The following ZNF236 variants were observed in gnomAD, a reference collection of about 807,000 sequenced individuals.
ZNF236 encodes the protein zinc finger protein 236.
Under a neutral mutation model 191.2 loss-of-function variants are expected in ZNF236, and 50 were observed. That is an observed-to-expected ratio of 0.26 (90% CI 0.21 to 0.33). The LOEUF (loss-of-function observed/expected upper bound fraction) is 0.33. Among genes scored for constraint, ZNF236 ranks in the 10% least tolerant of loss-of-function variants. ZNF236 has a pLI of 1.00. For missense variants in ZNF236, 1,754 were observed against 2,374.5 expected (o/e 0.74, Z 5.43); for synonymous variants, 907 against 928.8 (o/e 0.98, Z 0.43).
intron 18 of ZNF236, among the ~76,000 whole-genome samples, chr18:76,914,154 C>G (rs1280722501): frequency 6.6e-6 from 1 of 152,206 alleles, no homozygotes; most frequent in Non-Finnish European, 1.5e-5. Flanking sequence ...GTATCTACCT[C>G]TGTCTTTATA....
chr18:76,958,535 C>T (rs1968580732), intron 28 of ZNF236, among the ~76,000 whole-genome samples: 1 of 152,218 alleles, frequency 6.6e-6, no homozygotes, highest in African/African-American at 2.4e-5. Flanking sequence ...TGAGTGCCTG[C>T]TGTATGCACA....
intron 26 of ZNF236, among the ~76,000 whole-genome samples, chr18:76,940,180 A>G (rs1968101720): frequency 1.4e-5 from 2 of 139,520 alleles, no homozygotes; most frequent in Non-Finnish European, 3.0e-5. Flanking sequence ...CCATTTGGGA[A>G]CACAGTGGGC....
chr18:76,878,050 T>C lies in ZNF236; in HGVS notation c.882T>C (p.Cys294=), dbSNP rs781394756. The C allele has an allele frequency of 6.2e-7, 1 of 1,613,162 alleles. No individual in the cohort carries two copies. The highest frequency in any genetic ancestry group is 2.2e-5 in the East Asian group (1 of 44,758). ...CCTATAACTGTACAGAATGTAGTTG[T>C]GTATTTAAAAGTTTAGGCAGCTTAA... ...GPTYNCTECS[C]VFKSLGSLNT... Residue 294 remains cysteine (C), a synonymous_variant, in exon 7 of 31, where the codon TGT becomes TGC. Transcript: ENST00000320610.
intron 28 of ZNF236, 90 bp downstream of exon 28, chr18:76,956,272 A>T (rs1968522406): frequency 6.8e-7 from 1 of 1,473,148 alleles, no homozygotes. Context: ...GGAATCTGGC[A>T]TGTGTTTTTG....
rs1271790129 is a variant in ZNF236, at chr18:76,827,191, CG to C, written c.55+4531del. 2.0e-5 allele frequency among the ~76,000 whole-genome samples: 3 copies of C among 149,788 alleles called. No homozygotes were observed. In the East Asian group the frequency reaches 6.1e-4, roughly 30 times the overall value. ...GATTATAGGCGTGAGCCACAGTGCC[CG>C]GCCTGTTGTTGAGACGGAGTTTTGC... On this transcript the variant is annotated intron_variant, in intron 1 of 30. Coordinates refer to ENST00000320610, the MANE Select transcript of ZNF236 (RefSeq NM_001306089.2).
Position 76,919,756 on chromosome 18 carries a change from T to G in ZNF236, c.3275-20T>G, listed in dbSNP as rs769619810. The G allele has an allele frequency of 6.2e-7, 1 of 1,605,430 alleles. No individual in the cohort carries two copies. ...TTTTCTTCATTACGATTTTGATCCC[T>G]TTTCCTTGATTTTGTGTAGACATTT... On this transcript the variant is annotated intron_variant, in intron 19 of 30. Coordinates refer to ENST00000320610, the MANE Select transcript of ZNF236 (RefSeq NM_001306089.2). This position sits in a 1 kb window ranked among gnomAD's most constrained non-coding sequence, Gnocchi z 5.3.
At position 76,880,051 on chromosome 18, in the gene ZNF236, A is replaced by ATTTTTTTT; in HGVS notation, c.985-58_985-57insTTTTTTTT. 7.2e-7 allele frequency: 1 copy of ATTTTTTTT among 1,382,074 alleles called. No homozygotes were observed. Among genetic ancestry groups the ATTTTTTTT allele is most frequent in the Non-Finnish European group, 9.8e-7 (1 of 1,015,990 alleles). The allele number at this position is 1,382,074 out of a possible 1,614,324, so 85.6% of individuals were successfully genotyped here. A position where few individuals can be genotyped will look rare whatever the true frequency, so the allele number is the denominator to read the frequency against. ...GGTATTGCCTGTTTTTTTTTTTTTA[A>ATTTTTTTT]TTTTCCTTTTTAAATTGAAGAGCAA... On this transcript the variant is annotated intron_variant, in intron 7 of 30. Coordinates refer to ENST00000320610, the MANE Select transcript of ZNF236 (RefSeq NM_001306089.2). This position sits in a 1 kb window ranked among gnomAD's most constrained non-coding sequence, Gnocchi z 5.0.
At chr18:76,843,001 G>A (rs1172636985) in intron 1 of ZNF236, among the ~76,000 whole-genome samples, 1 of 152,186 alleles carries the variant, frequency 6.6e-6, no homozygotes, top group East Asian at 1.9e-4. Context: ...AGGTGCCTGT[G>A]GCTGGTGCTG....
At chr18:76,890,991 A>G (rs1237804370) in intron 9 of ZNF236, among the ~76,000 whole-genome samples, 4 of 152,174 alleles carry the variant, frequency 2.6e-5, no homozygotes, top group Non-Finnish European at 4.4e-5. Flanking sequence ...TGCTTTTCTT[A>G]ATAACATTTT....
intron 26 of ZNF236, among the ~76,000 whole-genome samples, chr18:76,942,462 CTTACT>C (rs1398733740): frequency 1.2e-4 from 18 of 151,792 alleles, no homozygotes; most frequent in African/African-American, 4.3e-4. Context: ...GAAAGGTGGT[CTTACT>C]TTACTTAAAT....
chr18:76,899,025 G>A lies in ZNF236; in HGVS notation c.1697G>A (p.Arg566Lys). The change falls in exon 11 of 31, where the codon AGA becomes AAA. Residue 566 changes from arginine to lysine, a missense_variant. Physicochemically the swap from Arg to Lys is conservative, Grantham distance 26. Around this residue, in one of 5 missense-constraint regions of ZNF236, gnomAD observed 641 missense variants for 869.6 expected, o/e 0.74. Transcript: ENST00000320610. ...KVHIRLHTGV[R>K]PFACPHCDKK... Reference sequence around the variant, plus strand: ...GTGATTTCATTTTTATTAGGAGTTAGACCTTTTGCTTGTCCTCACTGTGAC... The same window carrying A: ...GTGATTTCATTTTTATTAGGAGTTAAACCTTTTGCTTGTCCTCACTGTGAC... 1 of 1,613,606 alleles carries A rather than the reference G, an allele frequency of 6.2e-7. No individual in the cohort carries two copies. The highest frequency in any genetic ancestry group is 8.5e-7 in the Non-Finnish European group (1 of 1,179,560).
chr18:76,858,003 G>A (rs1322508582), intron 3 of ZNF236, among the ~76,000 whole-genome samples: 2 of 152,222 alleles, frequency 1.3e-5, no homozygotes, highest in African/African-American at 4.8e-5. Context: ...ATGATATTGT[G>A]TAGGGAGGTC....
chr18:76,841,750 A>T (rs1420136802), intron 1 of ZNF236, among the ~76,000 whole-genome samples: 1 of 146,428 alleles, frequency 6.8e-6, no homozygotes, highest in African/African-American at 2.5e-5. Flanking sequence ...CTGGAGTTCA[A>T]TGGCACGATC....
At chr18:76,849,841 T>C (rs1975806217) in intron 2 of ZNF236, among the ~76,000 whole-genome samples, 173 bp downstream of exon 2, 1 of 152,254 alleles carries the variant, frequency 6.6e-6, no homozygotes, top group Non-Finnish European at 1.5e-5. Context: ...TTCCTAGCTA[T>C]TATTTGATAA....
chr18:76,944,439 C>T (rs144039957), intron 26 of ZNF236, among the ~76,000 whole-genome samples: 3 of 152,256 alleles, frequency 2.0e-5, no homozygotes, highest in Non-Finnish European at 2.9e-5. Context: ...TATAGCTAAT[C>T]GTTGAGTATA....
At chr18:76,901,134 T>G (rs778480434) in intron 11 of ZNF236, among the ~76,000 whole-genome samples, 65 of 152,154 alleles carry the variant, frequency 4.3e-4, no homozygotes, top group Non-Finnish European at 2.4e-4. Context: ...ACCCCTTAAT[T>G]AATACATATA....
chr18:76,871,305 T>G (rs1976577541), intron 4 of ZNF236, among the ~76,000 whole-genome samples: 1 of 152,114 alleles, frequency 6.6e-6, no homozygotes, highest in Non-Finnish European at 1.5e-5. Flanking sequence ...GGTAGGAGTT[T>G]GGACATCATT....
At chr18:76,931,902 A>G (rs1195553066) in intron 25 of ZNF236, among the ~76,000 whole-genome samples, 2 of 152,188 alleles carry the variant, frequency 1.3e-5, no homozygotes, top group Non-Finnish European at 2.9e-5. Flanking sequence ...AAAAAAACTA[A>G]TCTTCAGATA....
chr18:76,873,271 A>G (rs1003477009), intron 5 of ZNF236, among the ~76,000 whole-genome samples: 1 of 152,204 alleles, frequency 6.6e-6, no homozygotes, highest in Non-Finnish European at 1.5e-5. Context: ...TATCTACCCC[A>G]TTAGATGTTT....
Sources: allele counts gnomAD v4.1 joint callset (sites outside exome capture counted in the v4.1 genomes callset), GRCh38; gene constraint gnomAD v4.1.1; regional missense constraint gnomAD v4.1.1; non-coding constraint Gnocchi (gnomAD v3.1); transcripts MANE v1.5; gene names NCBI Gene and HGNC (gene_info 2026-07-23, HGNC 2026-07-21).